The following ERVK3-1 variants were observed in gnomAD, a reference collection of about 807,000 sequenced individuals.
ERVK3-1 encodes HERV-K(HML6-1).
In ERVK3-1 at chr19:58,310,327, GAC is replaced by G. The variant is rs1687601144; in HGVS notation, c.-3-1835_-3-1834del. On this transcript the variant is annotated intron_variant, in intron 2 of 3. Transcript: ENST00000413518. The surrounding 1 kb of genome is among the most constrained non-coding windows in gnomAD (Gnocchi z 4.7). The stretch of plus-strand genomic sequence containing the variant: ...GGCGACGAGAGAGTGTAGAAATAAA[GAC>G]ACAAGACAAAGAGATAAAAGGCAGC... 1 of 155,946 alleles carries G rather than the reference GAC, an allele frequency of 6.4e-6. No homozygotes were observed. The highest frequency in any genetic ancestry group is 6.5e-5 in the Admixed American group (1 of 15,366). The allele number at this position is 155,946 out of a possible 1,614,324, so 9.7% of individuals were successfully genotyped here. A position where few individuals can be genotyped will look rare whatever the true frequency, so the allele number is the denominator to read the frequency against.
Position 58,310,056 on chromosome 19 carries a change from C to T in ERVK3-1, c.-3-2110C>T, listed in dbSNP as rs2051546577. The T allele has an allele frequency of 2.6e-5, 4 of 152,182 alleles. No individual in the cohort carries two copies. The South Asian group carries it at 8.3e-4, about 31-fold the overall frequency. 9.4% of individuals were successfully genotyped at this position (152,182 alleles called of 1,614,324 possible). ...GTGGACAGACCTATTTTACCGATGG[C>T]TCTTCCAAAAGCCACACAGCCATTT... is the stretch of plus-strand genomic sequence containing the variant. On this transcript the variant is annotated intron_variant, in intron 2 of 3. Coordinates refer to ENST00000413518, the Ensembl canonical transcript of ERVK3-1. The surrounding 1 kb of genome is among the most constrained non-coding windows in gnomAD (Gnocchi z 4.7).
At chr19:58,309,251 G>A (rs1246222988) in intron 2 of ERVK3-1, 1 of 152,046 alleles carries the variant, frequency 6.6e-6, no homozygotes, top group Non-Finnish European at 1.5e-5. Context: ...TATTGTTTTG[G>A]CCACTCCTAC....
In ERVK3-1 at chr19:58,310,916, CTGGCGTCACCA is replaced by C. The variant is rs976804349; in HGVS notation, c.-3-1249_-3-1239del. The C allele has an allele frequency of 5.3e-6, 2 of 375,920 alleles. No individual in the cohort carries two copies. The highest frequency in any genetic ancestry group is 2.7e-5 in the Admixed American group (1 of 37,690). The allele number at this position is 375,920 out of a possible 1,614,324, so 23.3% of individuals were successfully genotyped here. ...CGCTAGACCACGGTCTTCCCAAACG[CTGGCGTCACCA>C]CTAGACCAAGGAGCCCTCTGGTGGC... On this transcript the variant is annotated intron_variant, in intron 2 of 3. Coordinates refer to ENST00000413518, the Ensembl canonical transcript of ERVK3-1. This position sits in a 1 kb window ranked among gnomAD's most constrained non-coding sequence, Gnocchi z 4.7.
chr19:58,315,022 A>G (rs888612273), exon 4 of ERVK3-1: 2 of 371,082 alleles, frequency 5.4e-6, no homozygotes, highest in African/African-American at 4.2e-5. Flanking sequence ...GGTTATCCAC[A>G]GGAACATCCA....
Position 58,310,832 on chromosome 19 carries a change from C to A in ERVK3-1, c.-3-1334C>A. 1 of 390,526 alleles carries A rather than the reference C, an allele frequency of 2.6e-6. No homozygotes were observed. Among genetic ancestry groups the A allele is most frequent in the Non-Finnish European group, 5.3e-6 (1 of 189,864 alleles). The allele number at this position is 390,526 out of a possible 1,614,324, so 24.2% of individuals were successfully genotyped here. ...CCTCCCCCAGGGAAAGGGAGACCGC[C>A]CCCCACCCTTTCCCGGTCTGCTAAG... On this transcript the variant is annotated intron_variant, in intron 2 of 3. Coordinates refer to ENST00000413518, the Ensembl canonical transcript of ERVK3-1. The surrounding 1 kb of genome is among the most constrained non-coding windows in gnomAD (Gnocchi z 4.7).
At chr19:58,305,403 G>A (rs1042054756) in exon 1 of ERVK3-1, 7 of 152,526 alleles carry the variant, frequency 4.6e-5, no homozygotes, top group African/African-American at 1.4e-4. Flanking sequence ...ACGGGCGCGC[G>A]GACTATCGGG....
chr19:58,308,876 C>G (rs1225079323), intron 2 of ERVK3-1, among the ~76,000 whole-genome samples: 1 of 152,176 alleles, frequency 6.6e-6, no homozygotes, highest in Non-Finnish European at 1.5e-5. Flanking sequence ...TTGTGACCCC[C>G]AAAACGTCAG....
At chr19:58,307,607 G>C (rs1391119242) in intron 2 of ERVK3-1, among the ~76,000 whole-genome samples, 24 of 138,052 alleles carry the variant, frequency 1.7e-4, no homozygotes, top group African/African-American at 7.6e-4. Context: ...ATGCAATACC[G>C]CCCCCCCCTC....
In ERVK3-1 at chr19:58,313,849, T is replaced by G. The variant is rs1468394758; in HGVS notation, c.295-899T>G. Among the ~76,000 whole-genome samples the G allele has an allele frequency of 6.6e-6, 1 of 152,248 alleles. No individual in the cohort carries two copies. The highest frequency in any genetic ancestry group is 2.4e-5 in the African/African-American group (1 of 41,466). ...TCCTTCTTACCCAGCTCACTCATCGTGCACGTAAAGCCTTAAACATAGTAA... is the reference window on the plus strand; with the variant it reads ...TCCTTCTTACCCAGCTCACTCATCGGGCACGTAAAGCCTTAAACATAGTAA... On this transcript the variant is annotated intron_variant, in intron 3 of 3. Transcript: ENST00000413518. This position sits in a 1 kb window ranked among gnomAD's most constrained non-coding sequence, Gnocchi z 4.5.
intron 1 of ERVK3-1, 54 bp from the exon 2 acceptor site, chr19:58,306,034 G>A (rs999377276): frequency 2.6e-5 from 4 of 152,340 alleles, no homozygotes; most frequent in African/African-American, 7.2e-5. Context: ...CTTTCAAACA[G>A]ATCCTTTTGT....
Position 58,310,001 on chromosome 19 carries a change from CTG to C in ERVK3-1, c.-3-2162_-3-2161del, listed in dbSNP as rs1197750985. The stretch of plus-strand genomic sequence containing the variant: ...TATAAAATTCACCCTTTTATTCCCC[CTG>C]TGATTGCTCATCACAAACCCATTTC... On this transcript the variant is annotated intron_variant, in intron 2 of 3. Transcript: ENST00000413518. This position sits in a 1 kb window ranked among gnomAD's most constrained non-coding sequence, Gnocchi z 4.7. 5 of 152,188 alleles carry C rather than the reference CTG, an allele frequency of 3.3e-5. No individual in the cohort carries two copies. Among genetic ancestry groups the C allele is most frequent in the Non-Finnish European group, 5.9e-5 (4 of 68,042 alleles). 9.4% of individuals were successfully genotyped at this position (152,188 alleles called of 1,614,324 possible). A position where few individuals can be genotyped will look rare whatever the true frequency, so the allele number is the denominator to read the frequency against.
rs1222223332 is a variant in ERVK3-1, at chr19:58,313,451, ATTTTTTG to A, written c.294+998_294+1004del. 5.3e-5 allele frequency among the ~76,000 whole-genome samples: 8 copies of A among 151,662 alleles called. No individual in the cohort carries two copies. Among genetic ancestry groups the A allele is most frequent in the African/African-American group, 1.9e-4 (8 of 41,148 alleles). On this transcript the variant is annotated intron_variant, in intron 3 of 3. Coordinates refer to ENST00000413518, the Ensembl canonical transcript of ERVK3-1. The surrounding 1 kb of genome is among the most constrained non-coding windows in gnomAD (Gnocchi z 4.5). ...CAGGCACCCGCCACCGTGCCAGGCT[ATTTTTTG>A]TTTTTTGTATTTTTAATAGAAACGG...
Position 58,312,575 on chromosome 19 carries a change from G to T in ERVK3-1, c.294+113G>T. 2.5e-6 allele frequency: 1 copy of T among 398,626 alleles called. No individual in the cohort carries two copies. Among genetic ancestry groups the T allele is most frequent in the African/African-American group, 2.1e-5 (1 of 48,698 alleles). The allele number at this position is 398,626 out of a possible 1,614,324, so 24.7% of individuals were successfully genotyped here. On this transcript the variant is annotated intron_variant, in intron 3 of 3. Coordinates refer to ENST00000413518, the Ensembl canonical transcript of ERVK3-1. The surrounding 1 kb of genome is among the most constrained non-coding windows in gnomAD (Gnocchi z 4.7). Reference sequence around the variant, plus strand: ...CCTCCTGAGATATATTATGATCAGGGAGCGTGGGCACCAGGACCCCTAACT... The same window carrying T: ...CCTCCTGAGATATATTATGATCAGGTAGCGTGGGCACCAGGACCCCTAACT...
Position 58,312,298 on chromosome 19 carries a change from A to ATTGC in ERVK3-1, c.130_131insTTGC (p.Lys44IlefsTer30). ...CATGAGCCAGCGGAATCTGAATGCA[A>ATTGC]AGACAGAACAAGGGCCGACCGGAGT... On this transcript the variant is annotated frameshift_variant, in exon 3 of 4. Transcript: ENST00000413518. LOFTEE classifies it high-confidence loss of function. The surrounding 1 kb of genome is among the most constrained non-coding windows in gnomAD (Gnocchi z 4.7). 2.5e-6 allele frequency: 1 copy of ATTGC among 400,158 alleles called. No homozygotes were observed. Among genetic ancestry groups the ATTGC allele is most frequent in the Non-Finnish European group, 4.4e-6 (1 of 226,082 alleles). 24.8% of individuals were successfully genotyped at this position (400,158 alleles called of 1,614,324 possible).
At chr19:58,315,073 TAAATC>T (rs1400653188) in exon 4 of ERVK3-1, 1 of 316,916 alleles carries the variant, frequency 3.2e-6, no homozygotes, top group Non-Finnish European at 5.7e-6. Flanking sequence ...GGGCCTGTGT[TAAATC>T]AAATAGCTGA....
Position 58,312,038 on chromosome 19 carries a change from C to T in ERVK3-1, c.-3-128C>T. The T allele has an allele frequency of 2.5e-6, 1 of 397,550 alleles. No individual in the cohort carries two copies. The highest frequency in any genetic ancestry group is 4.4e-6 in the Non-Finnish European group (1 of 225,834). The allele number at this position is 397,550 out of a possible 1,614,324, so 24.6% of individuals were successfully genotyped here. The stretch of plus-strand genomic sequence containing the variant: ...ATGGCAAGACCCCAGCAGAACGACA[C>T]TGGCAACTGCTAGAGGAAAAGAGGC... On this transcript the variant is annotated intron_variant, in intron 2 of 3. Coordinates refer to ENST00000413518, the Ensembl canonical transcript of ERVK3-1. The surrounding 1 kb of genome is among the most constrained non-coding windows in gnomAD (Gnocchi z 4.7).
downstream of ERVK3-1, among the ~76,000 whole-genome samples, chr19:58,316,665 G>A (rs1293740271): frequency 6.6e-6 from 1 of 152,188 alleles, no homozygotes; most frequent in Non-Finnish European, 1.5e-5. Context: ...GCGAAACTCT[G>A]TCTCAAAAAC....
At position 58,313,825 on chromosome 19, in the gene ERVK3-1, CCTT is replaced by C. The variant is rs1457195021; in HGVS notation, c.295-919_295-917del. Among the ~76,000 whole-genome samples the C allele has an allele frequency of 3.9e-5, 6 of 152,220 alleles. No homozygotes were observed. The highest frequency in any genetic ancestry group is 7.4e-5 in the Non-Finnish European group (5 of 67,984). On this transcript the variant is annotated intron_variant, in intron 3 of 3. Transcript: ENST00000413518. This position sits in a 1 kb window ranked among gnomAD's most constrained non-coding sequence, Gnocchi z 4.5. ...CCCCTGCTTTACATTTTGTAAAACT[CCTT>C]CTTACCCAGCTCACTCATCGTGCAC...
At chr19:58,305,892 G>A (rs571054861) in intron 1 of ERVK3-1, among the ~76,000 whole-genome samples, 196 bp from the exon 2 acceptor site, 14 of 152,290 alleles carry the variant, frequency 9.2e-5, no homozygotes, top group Admixed American at 4.6e-4. Context: ...AAGCAGTCAT[G>A]TGGGCCTGTG....
Sources: gnomAD v4.1 joint callset for allele counts (sites outside exome capture counted in the v4.1 genomes callset) on GRCh38, gnomAD v4.1.1 for gene constraint, Gnocchi (gnomAD v3.1) non-coding constraint, MANE v1.5 for transcripts, NCBI Gene and HGNC (gene_info 2026-07-23, HGNC 2026-07-21) for gene names.